Variants in TNRC6A observed in about 807,000 individuals in gnomAD.
The protein encoded by TNRC6A is trinucleotide repeat-containing gene 6A protein.
Under a neutral mutation model 221.2 loss-of-function variants are expected in TNRC6A, and 44 were observed. The ratio of observed to expected loss-of-function variants is 0.20; its 90% CI spans 0.16 to 0.26. TNRC6A has a LOEUF of 0.26. TNRC6A is among the 10% of genes least tolerant of loss of function. The pLI, the probability that TNRC6A is intolerant of heterozygous loss-of-function variation, is 1.00. For synonymous variants in TNRC6A, 847 were observed against 838.5 expected (o/e 1.01, Z -0.18); for missense variants, 2,199 against 2,404.4 (o/e 0.91, Z 1.79).
chr16:24,807,539 G>A (rs1317869023), intron 17 of TNRC6A, among the ~76,000 whole-genome samples: 2 of 152,148 alleles, frequency 1.3e-5, no homozygotes, highest in African/African-American at 4.8e-5. Context: ...AGAACTTGAA[G>A]TTTTAACTAC....
At chr16:24,763,561 G>A (rs1168438808) in intron 4 of TNRC6A, among the ~76,000 whole-genome samples, 1 of 152,130 alleles carries the variant, frequency 6.6e-6, no homozygotes, top group Non-Finnish European at 1.5e-5. Context: ...AGGTCATCTT[G>A]AGAAACGAAG....
At chr16:24,765,922 C>G (rs545023313) in intron 4 of TNRC6A, among the ~76,000 whole-genome samples, 1 of 152,040 alleles carries the variant, frequency 6.6e-6, no homozygotes, top group African/African-American at 2.4e-5. Context: ...CCCGTTTTGG[C>G]TTTAGGCAAG....
At chr16:24,681,390 G>T (rs768899185) in intron 2 of TNRC6A, among the ~76,000 whole-genome samples, 7 of 151,840 alleles carry the variant, frequency 4.6e-5, no homozygotes, top group Non-Finnish European at 1.0e-4. Context: ...ACCATGCCCA[G>T]CTAATTTTTG....
intron 1 of TNRC6A, among the ~76,000 whole-genome samples, chr16:24,619,412 G>T (rs571803429): frequency 6.6e-6 from 1 of 152,178 alleles, no homozygotes; most frequent in Non-Finnish European, 1.5e-5. Context: ...GTAAGAAATT[G>T]CCTGTTCATT....
chr16:24,793,790 T>A, intron 7 of TNRC6A, 141 bp downstream of exon 7: 1 of 802,486 alleles, frequency 1.2e-6, no homozygotes, highest in Non-Finnish European at 1.7e-6. Flanking sequence ...TTCAGTATTT[T>A]GCTCTTTGAT....
At chr16:24,759,020 C>G (rs531493589) in intron 4 of TNRC6A, among the ~76,000 whole-genome samples, 1 of 152,120 alleles carries the variant, frequency 6.6e-6, no homozygotes, top group Admixed American at 6.5e-5. Context: ...CCTCAAGATT[C>G]TGAATTTTTA....
intron 2 of TNRC6A, among the ~76,000 whole-genome samples, chr16:24,720,346 G>A (rs1176106100): frequency 6.6e-6 from 1 of 151,918 alleles, no homozygotes; most frequent in Non-Finnish European, 1.5e-5. Flanking sequence ...AGGCTGCAGT[G>A]AGCTGTGATC....
intron 2 of TNRC6A, among the ~76,000 whole-genome samples, chr16:24,717,462 T>C (rs2343354): frequency 0.25 from 38,200 of 152,130 alleles, 5,276 homozygotes; most frequent in Non-Finnish European, 0.31. Flanking sequence ...CCAATGATTA[T>C]TTTAGCAATG....
At chr16:24,771,582 T>TTATGTTGTTATGTTATGTTA in intron 4 of TNRC6A, among the ~76,000 whole-genome samples, 1,124 of 95,324 alleles carry the variant, frequency 0.012, 17 homozygotes, top group Admixed American at 0.014. Flanking sequence ...TTATGTTATG[T>TTATGTTGTTATGTTATGTTA]TGTTATGTTA....
intron 1 of TNRC6A, among the ~76,000 whole-genome samples, chr16:24,615,679 A>G (rs1187200483): frequency 6.6e-6 from 1 of 152,216 alleles, no homozygotes; most frequent in African/African-American, 2.4e-5. Context: ...TGAACATTCT[A>G]AAGTGAGCAG....
At chr16:24,697,415 T>C (rs2055884706) in intron 2 of TNRC6A, among the ~76,000 whole-genome samples, 2 of 152,206 alleles carry the variant, frequency 1.3e-5, no homozygotes, top group African/African-American at 4.8e-5. Flanking sequence ...CCAGGCACAG[T>C]GGCTCACACC....
chr16:24,755,836 C>T (rs2057239463), intron 3 of TNRC6A, among the ~76,000 whole-genome samples: 1 of 152,056 alleles, frequency 6.6e-6, no homozygotes, highest in Admixed American at 6.6e-5. Context: ...AAATGGAAAT[C>T]ATTTTGCTTC....
chr16:24,703,629 A>G (rs2056032788), intron 2 of TNRC6A, among the ~76,000 whole-genome samples: 1 of 152,218 alleles, frequency 6.6e-6, no homozygotes, highest in South Asian at 2.1e-4. Context: ...TTATACCTTC[A>G]TTCATTGATG....
In TNRC6A at chr16:24,813,220, A is replaced by G. The variant is rs28464153; in HGVS notation, c.4673-1927A>G. 2.6e-3 allele frequency among the ~76,000 whole-genome samples: 390 copies of G among 152,132 alleles called. 1 individual carries two copies. The highest frequency in any genetic ancestry group is 4.1e-3 in the Non-Finnish European group (278 of 67,994). On this transcript the variant is annotated intron_variant, in intron 18 of 24. Transcript: ENST00000395799. ...AGGGGGTACAAGTTCATGTTTTTATACAGGTATATTGCATACTGCTAGAGA... is the reference window on the plus strand; with the variant it reads ...AGGGGGTACAAGTTCATGTTTTTATGCAGGTATATTGCATACTGCTAGAGA...
chr16:24,791,014 G>A lies in TNRC6A; in HGVS notation c.2372G>A (p.Arg791Lys), dbSNP rs781303098. The A allele has an allele frequency of 6.3e-7, 1 of 1,592,558 alleles. No individual in the cohort carries two copies. The highest frequency in any genetic ancestry group is 8.6e-7 in the Non-Finnish European group (1 of 1,169,320). ...SGWGDPKPAL[R>K]WGDSKGSNCQ... ...TGGGGCGATCCCAAACCTGCTCTGAGGTGGGGAGATTCCAAAGGCTCAAAC... is the reference window on the plus strand; with the variant it reads ...TGGGGCGATCCCAAACCTGCTCTGAAGTGGGGAGATTCCAAAGGCTCAAAC... The change falls in exon 6 of 25, where the codon AGG becomes AAG. Residue 791 changes from arginine (R) to lysine (K), a missense_variant. Physicochemically the swap from Arg to Lys is conservative, Grantham distance 26. Coordinates refer to ENST00000395799, the MANE Select transcript of TNRC6A (RefSeq NM_014494.4).
intron 4 of TNRC6A, among the ~76,000 whole-genome samples, chr16:24,768,322 A>T (rs942407944): frequency 6.6e-6 from 1 of 150,574 alleles, no homozygotes; most frequent in East Asian, 2.0e-4. Context: ...AGTCCCAGCT[A>T]CTCGGGAGGC....
intron 2 of TNRC6A, among the ~76,000 whole-genome samples, chr16:24,672,288 A>AT (rs757393346): frequency 2.6e-5 from 4 of 151,100 alleles, no homozygotes; most frequent in South Asian, 2.1e-4. Context: ...CGCCTGGCTA[A>AT]TTTTTTTTTC....
intron 2 of TNRC6A, among the ~76,000 whole-genome samples, chr16:24,736,811 G>T (rs559626997): frequency 5.3e-5 from 8 of 152,292 alleles, no homozygotes; most frequent in African/African-American, 1.7e-4. Flanking sequence ...TTTAAACCGA[G>T]ATGTAATTTT....
At chr16:24,694,653 CAAAAAAAAAAA>C (rs145287258) in intron 2 of TNRC6A, among the ~76,000 whole-genome samples, 552 of 54,886 alleles carry the variant, frequency 0.01, 4 homozygotes, top group Admixed American at 0.018. Context: ...GACTCTGTCT[CAAAAAAAAAAA>C]AAAAAAAAAA....
Sources: allele counts gnomAD v4.1 joint callset (sites outside exome capture counted in the v4.1 genomes callset), GRCh38; gene constraint gnomAD v4.1.1; transcripts MANE v1.5; gene names NCBI Gene and HGNC (gene_info 2026-07-23, HGNC 2026-07-21).